Variants in MSRB3 observed in about 807,000 individuals in gnomAD.
MSRB3 encodes methionine sulfoxide reductase B3.
A neutral mutation model predicts 21.0 loss-of-function variants in MSRB3; 13 were observed. That is an observed-to-expected ratio of 0.62 (90% CI 0.40 to 0.98). The LOEUF is 0.98. Among genes scored for constraint, MSRB3 ranks in the 50% least tolerant of loss-of-function variants. MSRB3 has a pLI of 0.00. For missense variants in MSRB3, 199 were observed against 230.3 expected (o/e 0.86, Z 0.88); for synonymous variants, 87 against 88.6 (o/e 0.98, Z 0.10).
intron 4 of MSRB3, among the ~76,000 whole-genome samples, chr12:65,338,812 T>G (rs1430036456): frequency 1.3e-5 from 2 of 152,148 alleles, no homozygotes; most frequent in South Asian, 2.1e-4. Flanking sequence ...CGGTGGCTCA[T>G]GCCTGTAATT....
At chr12:65,307,229 G>T (rs1433336902) in intron 1 of MSRB3, among the ~76,000 whole-genome samples, 1 of 152,074 alleles carries the variant, frequency 6.6e-6, no homozygotes, top group Non-Finnish European at 1.5e-5. Flanking sequence ...GTTCTTTCAG[G>T]CTGTGCATTG....
intron 5 of MSRB3, among the ~76,000 whole-genome samples, chr12:65,396,556 C>A (rs373859424): frequency 1.3e-5 from 2 of 151,668 alleles, no homozygotes; most frequent in African/African-American, 4.8e-5. Context: ...CTGGGTGTGG[C>A]AGTGCATGCC....
intron 6 of MSRB3, among the ~76,000 whole-genome samples, chr12:65,461,180 C>T (rs1883314455): frequency 6.6e-6 from 1 of 152,172 alleles, no homozygotes; most frequent in Admixed American, 6.5e-5. Context: ...TGTGCACACA[C>T]ACTGGTCACT....
intron 5 of MSRB3, among the ~76,000 whole-genome samples, chr12:65,389,895 C>T (rs1879387049): frequency 6.6e-6 from 1 of 152,138 alleles, no homozygotes; most frequent in African/African-American, 2.4e-5. Flanking sequence ...TTCAGGTTGC[C>T]CCTTGGCACT....
At chr12:65,461,601 T>G (rs1883333165) in intron 6 of MSRB3, among the ~76,000 whole-genome samples, 1 of 152,204 alleles carries the variant, frequency 6.6e-6, no homozygotes, top group Admixed American at 6.5e-5. Context: ...ACTTGAGAAT[T>G]GAGCTTAGCA....
At chr12:65,285,867 G>T (rs1459478319) in intron 1 of MSRB3, 1 of 152,134 alleles carries the variant, frequency 6.6e-6, no homozygotes, top group African/African-American at 2.4e-5. Flanking sequence ...TTTTCTTAGG[G>T]TCTAGTTCCC....
intron 5 of MSRB3, among the ~76,000 whole-genome samples, chr12:65,440,902 G>C (rs900476073): frequency 3.3e-5 from 5 of 151,872 alleles, no homozygotes; most frequent in Non-Finnish European, 7.4e-5. Flanking sequence ...TCAGTACTAA[G>C]GAGCTATATC....
chr12:65,419,753 G>T (rs74099835), intron 5 of MSRB3: 1 of 1,031,658 alleles, frequency 9.7e-7, no homozygotes, highest in Non-Finnish European at 1.5e-6. Context: ...TAGGCCAGGC[G>T]GTCTTCAGGC....
chr12:65,377,980 G>C (rs537589317), intron 5 of MSRB3, among the ~76,000 whole-genome samples: 6 of 152,314 alleles, frequency 3.9e-5, no homozygotes, highest in African/African-American at 1.4e-4. Context: ...ACTTGGAGGA[G>C]ATCCACGCAG....
At position 65,406,289 on chromosome 12, in the gene MSRB3, A is replaced by C. The variant is rs559860472; in HGVS notation, c.292+37263A>C. On this transcript the variant is annotated intron_variant, in intron 5 of 6. Coordinates refer to ENST00000308259, the MANE Select transcript of MSRB3 (RefSeq NM_001031679.3). ...TCCAGTTTCATTCTGCCACATGGCTATAATCTAACAACAAACTATCCAAAA... is the reference window on the plus strand; with the variant it reads ...TCCAGTTTCATTCTGCCACATGGCTCTAATCTAACAACAAACTATCCAAAA... 8.2e-4 allele frequency among the ~76,000 whole-genome samples: 125 copies of C among 152,320 alleles called. 1 individual carries two copies. In the South Asian group the frequency reaches 0.025, roughly 30 times the overall value.
intron 5 of MSRB3, among the ~76,000 whole-genome samples, chr12:65,399,392 A>G (rs1342330350): frequency 6.6e-6 from 1 of 152,000 alleles, no homozygotes; most frequent in Non-Finnish European, 1.5e-5. Flanking sequence ...TTCACTCATG[A>G]TTTGGCTGTT....
rs769136558 is a variant in MSRB3, at chr12:65,328,531, T to G, written c.191T>G (p.Phe64Cys). The G allele has an allele frequency of 2.5e-6, 4 of 1,607,204 alleles. No homozygotes were observed. The African/African-American group carries it at 5.3e-5, about 21-fold the overall frequency. ...ATGATCTGTTTATTTATCAGTGCCT[T>G]TGAAGGAGAATACACACATCACAAA... ...VTQEKGTESA[F>C]EGEYTHHKDP... is the part of the protein sequence containing the mutation. Residue 64 changes from phenylalanine (F) to cysteine (C), a missense_variant, in exon 4 of 7, where the codon TTT becomes TGT. Physicochemically the swap from Phe to Cys is radical, Grantham distance 205. Transcript: ENST00000308259.
At chr12:65,452,565 G>T (rs937326255) in intron 5 of MSRB3, among the ~76,000 whole-genome samples, 7 of 152,106 alleles carry the variant, frequency 4.6e-5, no homozygotes, top group Admixed American at 4.6e-4. Flanking sequence ...CTGGTGCTTT[G>T]TAGCAATTTT....
At chr12:65,430,871 A>G (rs1213661708) in intron 5 of MSRB3, among the ~76,000 whole-genome samples, 1 of 152,088 alleles carries the variant, frequency 6.6e-6, no homozygotes, top group Non-Finnish European at 1.5e-5. Context: ...GTGACATCCT[A>G]CAGAATGCCA....
In MSRB3 at chr12:65,447,800, C is replaced by A. The variant is rs1361590518; in HGVS notation, c.293-5928C>A. On this transcript the variant is annotated intron_variant, in intron 5 of 6. Transcript: ENST00000308259. ...TCTGTGAAACCTGGGCAGTGAACAT[C>A]TGTTAAATTGTGGATACCTAGTCCA... Among the ~76,000 whole-genome samples the A allele has an allele frequency of 2.6e-5, 4 of 152,240 alleles. No individual in the cohort carries two copies. The East Asian group carries it at 7.7e-4, about 29-fold the overall frequency.
At chr12:65,326,765 A>G (rs1270684950) in intron 2 of MSRB3, 61 bp from the exon 3 acceptor site, 31 of 1,330,358 alleles carry the variant, frequency 2.3e-5, no homozygotes, top group Non-Finnish European at 3.1e-5. Context: ...CGGTCAGCCA[A>G]AGCAATTATT....
intron 2 of MSRB3, chr12:65,316,415 T>C (rs1255216493): frequency 6.6e-6 from 1 of 151,970 alleles, no homozygotes; most frequent in African/African-American, 2.4e-5. Flanking sequence ...ATGTCATGGG[T>C]TTGATCAGGC....
At chr12:65,278,967 T>C in intron 1 of MSRB3, 102 bp downstream of exon 1, 1 of 1,501,962 alleles carries the variant, frequency 6.7e-7, no homozygotes, top group Non-Finnish European at 8.9e-7. Flanking sequence ...ATTCTGCGCC[T>C]GCTGCGCCCC....
chr12:65,440,209 T>C (rs1041131497), intron 5 of MSRB3, among the ~76,000 whole-genome samples: 6 of 151,744 alleles, frequency 4.0e-5, no homozygotes, highest in Non-Finnish European at 8.9e-5. Context: ...ACAAACATCC[T>C]ATATGAAAAT....
Sources: allele counts gnomAD v4.1 joint callset (sites outside exome capture counted in the v4.1 genomes callset), GRCh38; gene constraint gnomAD v4.1.1; transcripts MANE v1.5; gene names NCBI Gene and HGNC (gene_info 2026-07-23, HGNC 2026-07-21).